The following ZNF609 variants were observed in gnomAD, a reference collection of about 807,000 sequenced individuals.
The protein encoded by ZNF609 is zinc finger protein 609.
Under a neutral mutation model 109.5 loss-of-function variants are expected in ZNF609, and 11 were observed. The ratio of observed to expected loss-of-function variants is 0.10; its 90% CI spans 0.06 to 0.17. The LOEUF (loss-of-function observed/expected upper bound fraction) is 0.17. Among genes scored for constraint, ZNF609 ranks in the 10% least tolerant of loss-of-function variants. The pLI, the probability that ZNF609 is intolerant of heterozygous loss-of-function variation, is 1.00. For missense variants in ZNF609, 1,559 were observed against 1,772.4 expected (o/e 0.88, Z 2.16); for synonymous variants, 646 against 662.0 (o/e 0.98, Z 0.37).
intron 3 of ZNF609, among the ~76,000 whole-genome samples, chr15:64,637,593 G>A (rs1428100044): frequency 6.6e-6 from 1 of 152,008 alleles, no homozygotes; most frequent in Admixed American, 6.6e-5. Context: ...GGTGTGTAGT[G>A]GTATCTCATT....
At chr15:64,652,935 T>C (rs965665273) in intron 3 of ZNF609, 1 of 153,218 alleles carries the variant, frequency 6.5e-6, no homozygotes, top group Non-Finnish European at 1.5e-5. Context: ...TCACAACCAA[T>C]TACAGATTTC....
At chr15:64,650,232 CCT>C (rs1384300362) in intron 3 of ZNF609, among the ~76,000 whole-genome samples, 2 of 151,272 alleles carry the variant, frequency 1.3e-5, no homozygotes, top group African/African-American at 2.4e-5. Context: ...AGTGAAACCC[CCT>C]GTCTCTACTA....
intron 2 of ZNF609, among the ~76,000 whole-genome samples, chr15:64,505,719 G>T (rs1347813014): frequency 2.0e-5 from 3 of 152,320 alleles, no homozygotes; most frequent in East Asian, 1.9e-4. Flanking sequence ...ACTTCCAGAA[G>T]TCTCTCCAGA....
At chr15:64,680,060 A>T in intron 6 of ZNF609, 125 bp from the exon 7 acceptor site, 1 of 1,013,126 alleles carries the variant, frequency 9.9e-7, no homozygotes, top group Non-Finnish European at 1.5e-6. Flanking sequence ...TCAGCCAAAG[A>T]CACTATGTTA....
Position 64,662,782 on chromosome 15 carries a change from C to T in ZNF609, c.974-7564C>T, listed in dbSNP as rs553772174. Among the ~76,000 whole-genome samples the T allele has an allele frequency of 7.2e-5, 11 of 152,284 alleles. No homozygotes were observed. The South Asian group carries it at 2.1e-3, about 29-fold the overall frequency. On this transcript the variant is annotated intron_variant, in intron 3 of 9. Coordinates refer to ENST00000326648, the MANE Select transcript of ZNF609 (RefSeq NM_015042.2). ...CCAGGCTCACGCGATTCTCTTGCCT[C>T]AGCCTCCTCAGGAGCTGGGATTACA...
At chr15:64,553,114 A>G (rs1001591019) in intron 2 of ZNF609, among the ~76,000 whole-genome samples, 2 of 152,284 alleles carry the variant, frequency 1.3e-5, no homozygotes, top group Admixed American at 6.5e-5. Flanking sequence ...TGATTTGTCT[A>G]TCTTAGTTGG....
At chr15:64,567,862 C>G (rs183811006) in intron 2 of ZNF609, among the ~76,000 whole-genome samples, 38 of 152,092 alleles carry the variant, frequency 2.5e-4, no homozygotes, top group African/African-American at 9.2e-4. Context: ...GGGATTTCAG[C>G]GTATTAGCCA....
chr15:64,478,528 G>C (rs1566993942), intron 1 of ZNF609, among the ~76,000 whole-genome samples: 1 of 151,880 alleles, frequency 6.6e-6, no homozygotes, highest in Non-Finnish European at 1.5e-5. Flanking sequence ...CTGCCACCAA[G>C]CCCGGCTAAT....
At chr15:64,526,315 G>A (rs943087011) in intron 2 of ZNF609, among the ~76,000 whole-genome samples, 1 of 151,846 alleles carries the variant, frequency 6.6e-6, no homozygotes, top group Non-Finnish European at 1.5e-5. Flanking sequence ...ACCACCTTGT[G>A]GAATTCGTTT....
chr15:64,529,514 G>T, intron 2 of ZNF609: 1 of 1,147,110 alleles, frequency 8.7e-7, no homozygotes, highest in East Asian at 2.4e-5. Context: ...AATTTGCCAT[G>T]TGTAGAATCA....
At chr15:64,509,939 C>G (rs996608652) in intron 2 of ZNF609, among the ~76,000 whole-genome samples, 4 of 152,184 alleles carry the variant, frequency 2.6e-5, no homozygotes, top group African/African-American at 4.8e-5. Flanking sequence ...GTAGTCCCCC[C>G]AACCTTATCC....
intron 2 of ZNF609, among the ~76,000 whole-genome samples, chr15:64,559,705 A>G (rs1183127054): frequency 6.6e-6 from 1 of 152,202 alleles, no homozygotes; most frequent in African/African-American, 2.4e-5. Context: ...GAGAACATAG[A>G]ACATGTCTGT....
At chr15:64,681,412 G>A (rs11631564) in intron 9 of ZNF609, 25 bp downstream of exon 9, 385,130 of 1,594,448 alleles carry the variant, frequency 0.24, 50,713 homozygotes, top group Non-Finnish European at 0.27. Context: ...TTAATTTGGG[G>A]CAACACATAA....
At chr15:64,489,249 G>A (rs957378478) in intron 1 of ZNF609, among the ~76,000 whole-genome samples, 4 of 151,500 alleles carry the variant, frequency 2.6e-5, no homozygotes, top group African/African-American at 4.8e-5. Flanking sequence ...GCAGTGGCGC[G>A]ATCTTGGCTC....
intron 2 of ZNF609, among the ~76,000 whole-genome samples, chr15:64,609,782 C>T (rs1459336606): frequency 2.7e-5 from 4 of 150,274 alleles, no homozygotes; most frequent in South Asian, 2.1e-4. Flanking sequence ...AATCCCAGCA[C>T]TTTGGGAGGC....
chr15:64,485,018 C>G (rs1893313222), intron 1 of ZNF609, among the ~76,000 whole-genome samples: 1 of 152,050 alleles, frequency 6.6e-6, no homozygotes, highest in African/African-American at 2.4e-5. Flanking sequence ...ATATTCCTCG[C>G]AAAATTAACT....
intron 2 of ZNF609, among the ~76,000 whole-genome samples, chr15:64,607,630 G>C (rs549912283): frequency 2.0e-5 from 3 of 150,416 alleles, no homozygotes; most frequent in Admixed American, 6.7e-5. Context: ...TCAGCCTCCC[G>C]AGTAGCTGGA....
At chr15:64,571,813 G>A (rs1489682886) in intron 2 of ZNF609, among the ~76,000 whole-genome samples, 2 of 152,118 alleles carry the variant, frequency 1.3e-5, no homozygotes, top group African/African-American at 2.4e-5. Flanking sequence ...GGGGTTACAG[G>A]TGCCCACCAC....
At chr15:64,649,193 A>G (rs933530166) in intron 3 of ZNF609, among the ~76,000 whole-genome samples, 2 of 152,166 alleles carry the variant, frequency 1.3e-5, no homozygotes, top group South Asian at 4.1e-4. Flanking sequence ...CTTCAGAAAG[A>G]TAGGACTCAA....
Sources: allele counts gnomAD v4.1 joint callset (sites outside exome capture counted in the v4.1 genomes callset), GRCh38; gene constraint gnomAD v4.1.1; transcripts MANE v1.5; gene names NCBI Gene and HGNC (gene_info 2026-07-23, HGNC 2026-07-21).